Variants in CHD1L observed in about 807,000 individuals in gnomAD.
CHD1L encodes the protein chromodomain helicase DNA binding protein 1 like.
In CHD1L, 118 loss-of-function variants were observed where a neutral mutation model predicts 115.9. The observed-to-expected ratio is 1.02, with a 90% CI of 0.88 to 1.19. CHD1L has a LOEUF of 1.19. Ranked by LOEUF, CHD1L falls within the 50% of genes most tolerant of loss-of-function variation. CHD1L has a pLI of 0.00. For missense variants in CHD1L, 1,179 were observed against 1,065.3 expected, an observed-to-expected ratio of 1.11 and a Z score of -1.49; for synonymous variants, 411 against 387.1, an observed-to-expected ratio of 1.06 and a Z score of -0.72.
At chr1:147,225,782 T>C in the CHD1L span, 5 of 152,172 alleles carry the variant, frequency 3.3e-5, no homozygotes, top group African/African-American at 9.7e-5. Context: ...CAGACAAAAC[T>C]CCTCAGACAC....
At position 147,266,058 on chromosome 1, in the gene CHD1L, A is replaced by G; in HGVS notation, c.866A>G (p.Tyr289Cys). The G allele has an allele frequency of 2.5e-6, 4 of 1,612,290 alleles. No homozygotes were observed. Among genetic ancestry groups the G allele is most frequent in the Non-Finnish European group, 3.4e-6 (4 of 1,179,364 alleles). Residue 289 changes from tyrosine to cysteine, a missense_variant, in exon 8 of 23, where the codon TAC becomes TGC. By Grantham distance (194) the Tyr-to-Cys change is radical. Coordinates refer to ENST00000369258, the MANE Select transcript of CHD1L (RefSeq NM_004284.6). ...GGCATGTCAGCATTGCAGAAGAAAT[A>G]CTACAAGGCCATTTTGATGAAAGAC... Reference protein sequence around the residue: ...YHGMSALQKKYYKAILMKDLD... With the variant: ...YHGMSALQKKCYKAILMKDLD...
At chr1:147,180,302 T>G in the CHD1L span, among the ~76,000 whole-genome samples, 5,603 of 140,118 alleles carry the variant, frequency 0.04, 147 homozygotes, top group South Asian at 0.1. Context: ...GGTTTTTGTG[T>G]TTTTTTTTGA....
At chr1:147,263,990 AG>A (rs1553946075) in intron 6 of CHD1L, among the ~76,000 whole-genome samples, 4 of 152,320 alleles carry the variant, frequency 2.6e-5, no homozygotes, top group African/African-American at 7.2e-5. Context: ...TATTGCTTGC[AG>A]TGGTGGGGCC....
the CHD1L span, among the ~76,000 whole-genome samples, chr1:147,207,590 C>T: frequency 5.3e-5 from 8 of 152,020 alleles, no homozygotes; most frequent in Admixed American, 3.3e-4. Context: ...ATTTCTGTTG[C>T]CCTCGGGAAA....
chr1:147,175,106 C>T, the CHD1L span: 1 of 152,178 alleles, frequency 6.6e-6, no homozygotes, highest in African/African-American at 2.4e-5. Context: ...CAAGTTTCAT[C>T]CTCCATTTAT....
the CHD1L span, among the ~76,000 whole-genome samples, chr1:147,191,029 C>T: frequency 7.2e-5 from 11 of 152,084 alleles, no homozygotes; most frequent in African/African-American, 2.2e-4. Context: ...TTTTTTATGG[C>T]TGCATAATAT....
At chr1:147,228,171 C>T in the CHD1L span, among the ~76,000 whole-genome samples, 1 of 151,928 alleles carries the variant, frequency 6.6e-6, no homozygotes, top group Admixed American at 6.6e-5. Context: ...CCCCCCACCC[C>T]ACAACAGGCC....
intron 4 of CHD1L, 102 bp from the exon 5 acceptor site, chr1:147,256,429 T>G: frequency 9.8e-7 from 1 of 1,024,766 alleles, no homozygotes; most frequent in South Asian, 1.5e-5. Context: ...CAAATGAGAC[T>G]TAGATAAATC....
At chr1:147,213,629 A>G in the CHD1L span, among the ~76,000 whole-genome samples, 1 of 152,222 alleles carries the variant, frequency 6.6e-6, no homozygotes, top group Non-Finnish European at 1.5e-5. Context: ...TTGGGGCTGT[A>G]GTCAGAATGA....
chr1:147,193,855 C>A, the CHD1L span, among the ~76,000 whole-genome samples: 3 of 152,110 alleles, frequency 2.0e-5, no homozygotes, highest in African/African-American at 7.2e-5. Flanking sequence ...AGTTTCATTG[C>A]ACTGTGGTCT....
At chr1:147,181,681 C>A in the CHD1L span, among the ~76,000 whole-genome samples, 3 of 152,206 alleles carry the variant, frequency 2.0e-5, no homozygotes, top group Non-Finnish European at 4.4e-5. Context: ...TAGTATTTTT[C>A]TCTTGTCATG....
rs782286826 is a variant in CHD1L at position 147,284,332 on chromosome 1, T to A, written c.1706-19T>A. The stretch of plus-strand genomic sequence containing the variant: ...TCCTTGGTATCTAACATTTCTCTCT[T>A]TGTGTTTTATGTTGTTAGAAAATCA... On this transcript the variant is annotated intron_variant, in intron 15 of 22. Transcript: ENST00000369258. The A allele has an allele frequency of 3.7e-5, 56 of 1,533,686 alleles. No individual in the cohort carries two copies. Among genetic ancestry groups the A allele is most frequent in the Admixed American group, 6.3e-5 (3 of 47,398 alleles).
At chr1:147,208,718 C>T in the CHD1L span, 8 of 666,004 alleles carry the variant, frequency 1.2e-5, no homozygotes, top group South Asian at 5.4e-5. Context: ...GGATTACAGG[C>T]GTGAGCCACC....
chr1:147,275,315 T>G (rs1553956556), intron 12 of CHD1L, 39 bp from the exon 13 acceptor site: 1 of 1,470,228 alleles, frequency 6.8e-7, no homozygotes, highest in African/African-American at 1.4e-5. Flanking sequence ...CTCCTCGTCT[T>G]TGTGCTGCTG....
intron 12 of CHD1L, among the ~76,000 whole-genome samples, chr1:147,274,105 C>A (rs1163694503): frequency 6.6e-6 from 1 of 152,152 alleles, no homozygotes; most frequent in African/African-American, 2.4e-5. Flanking sequence ...GGCTCTGGAC[C>A]AAGACTGCAA....
the CHD1L span, among the ~76,000 whole-genome samples, chr1:147,181,212 C>CAAGTTTGGCCCATGGGTGGGATTTGGG: frequency 6.6e-6 from 1 of 152,216 alleles, no homozygotes; most frequent in Non-Finnish European, 1.5e-5. Context: ...CTTTAGCTTG[C>CAAGTTTGGCCCATGGGTGGGATTTGGG]AAGTTTGGCC....
the CHD1L span, among the ~76,000 whole-genome samples, chr1:147,233,134 G>T: frequency 6.7e-6 from 1 of 149,846 alleles, no homozygotes; most frequent in Non-Finnish European, 1.5e-5. Context: ...TGTGAGGAGC[G>T]CCTCTGCCCG....
At chr1:147,260,665 C>G (rs1671622343) in intron 6 of CHD1L, 1 of 152,126 alleles carries the variant, frequency 6.6e-6, no homozygotes, top group East Asian at 1.9e-4. Flanking sequence ...CCCAATTTAC[C>G]TGTTGAAAAA....
At chr1:147,279,508 G>T (rs1679963888) in intron 14 of CHD1L, among the ~76,000 whole-genome samples, 1 of 152,178 alleles carries the variant, frequency 6.6e-6, no homozygotes, top group East Asian at 1.9e-4. Flanking sequence ...AGTTGTTACT[G>T]ATCTTTGCCA....
Sources: gnomAD v4.1 joint callset for allele counts (sites outside exome capture counted in the v4.1 genomes callset) on GRCh38, gnomAD v4.1.1 for gene constraint, MANE v1.5 for transcripts, NCBI Gene and HGNC (gene_info 2026-07-23, HGNC 2026-07-21) for gene names.